Variants in RAD52 observed in about 807,000 individuals in gnomAD.
RAD52 encodes the protein RAD52 DNA repair protein, also known as DNA repair protein RAD52 homolog.
A neutral mutation model predicts 55.5 loss-of-function variants in RAD52; 47 were observed. The ratio of observed to expected loss-of-function variants is 0.85; its 90% CI spans 0.67 to 1.08. The LOEUF (loss-of-function observed/expected upper bound fraction) is 1.08, where lower values mean the gene tolerates loss of function less well. Among genes scored for constraint, RAD52 ranks in the 50% least tolerant of loss-of-function variants. RAD52 has a pLI of 0.00. For missense variants in RAD52, 468 were observed against 522.8 expected (o/e 0.90, Z 1.02); for synonymous variants, 184 against 198.9 (o/e 0.92, Z 0.63).
At chr12:979,392 A>G (rs7310634) in intron 1 of RAD52, among the ~76,000 whole-genome samples, 146,023 of 152,032 alleles carry the variant, frequency 0.96, 70,368 homozygotes, top group East Asian at 1. Flanking sequence ...AGTGAGCCAA[A>G]ATCATGCCAC....
chr12:944,620 A>C (rs7315312), intron 1 of RAD52, among the ~76,000 whole-genome samples: 18 of 150,556 alleles, frequency 1.2e-4, no homozygotes, highest in East Asian at 3.9e-4. Flanking sequence ...AAAAAAAAAA[A>C]AAAAAAAACT....
intron 7 of RAD52, among the ~76,000 whole-genome samples, chr12:920,497 C>T (rs1274639237): frequency 6.7e-6 from 1 of 149,456 alleles, no homozygotes; most frequent in Non-Finnish European, 1.5e-5. Context: ...GCAGAGCCTG[C>T]AGTGAGCTGA....
chr12:977,610 G>A (rs1277529408), intron 1 of RAD52, among the ~76,000 whole-genome samples: 1 of 152,188 alleles, frequency 6.6e-6, no homozygotes, highest in East Asian at 1.9e-4. Flanking sequence ...ACCCTATCCT[G>A]CCCTGCTCCT....
At chr12:965,842 A>G (rs545070611) in intron 1 of RAD52, among the ~76,000 whole-genome samples, 1 of 151,774 alleles carries the variant, frequency 6.6e-6, no homozygotes, top group East Asian at 1.9e-4. Context: ...ATGCACCACC[A>G]CACCTGGCTA....
intron 1 of RAD52, among the ~76,000 whole-genome samples, chr12:971,636 ATT>A (rs1157316411): frequency 6.6e-6 from 1 of 152,232 alleles, no homozygotes; most frequent in African/African-American, 2.4e-5. Context: ...AAGATAATAA[ATT>A]TTGCTAGTCT....
At chr12:978,851 G>A (rs1958970304) in intron 1 of RAD52, among the ~76,000 whole-genome samples, 1 of 151,606 alleles carries the variant, frequency 6.6e-6, no homozygotes, top group Admixed American at 6.6e-5. Context: ...CAGCCTGGGT[G>A]ACAGAGACTC....
Position 927,175 on chromosome 12 carries a change from G to A in RAD52, c.437C>T (p.Ala146Val), listed in dbSNP as rs775265125. ...GGCTCGCTTCAGCCCGTCTGTCACC[G>A]CCTCCTTCCTTGCCTTCTCCAAAGA... is the stretch of plus-strand genomic sequence containing the variant. ...ALSLEKARKE[A>V]VTDGLKRALR... Residue 146 changes from alanine to valine, a missense_variant, in exon 6 of 12, where the codon GCG becomes GTG. Transcript: ENST00000358495. The A allele has an allele frequency of 1.5e-5, 24 of 1,614,054 alleles. 1 individual carries two copies. In the Admixed American group the frequency reaches 1.7e-4, roughly 11 times the overall value.
chr12:933,794 C>T (rs1451518761), intron 1 of RAD52, among the ~76,000 whole-genome samples: 3 of 152,162 alleles, frequency 2.0e-5, no homozygotes, highest in Non-Finnish European at 2.9e-5. Context: ...AAATCCAAAA[C>T]GTTTTGAGTG....
In RAD52 at chr12:986,395, C is replaced by T. The variant is rs1301139477; in HGVS notation, c.-19+3414G>A. 6.9e-4 allele frequency among the ~76,000 whole-genome samples: 105 copies of T among 151,964 alleles called. 1 individual carries two copies. The highest frequency in any genetic ancestry group is 1.5e-4 in the Non-Finnish European group (10 of 67,996). On this transcript the variant is annotated intron_variant, in intron 1 of 11. Coordinates refer to the RAD52 transcript ENST00000430095. The stretch of plus-strand genomic sequence containing the variant: ...TGTTTTTATTTTTGAGACAGGGTCT[C>T]ACCCTGTTGCCCAGGCTGGAGAGTG...
Position 911,845 on chromosome 12 carries a change from C to A in RAD52, c.*1546G>T, listed in dbSNP as rs779936659. Among the ~76,000 whole-genome samples the A allele has an allele frequency of 2.6e-4, 39 of 151,288 alleles. No individual in the cohort carries two copies. Among genetic ancestry groups the A allele is most frequent in the Non-Finnish European group, 5.2e-4 (35 of 67,884 alleles). ...GACCAGCCTGGCCAACATGGAGAAA[C>A]CCCGTCTCCTCTACTAAAAATACAA... On this transcript the variant is annotated 3_prime_UTR_variant, in exon 12 of 12. Transcript: ENST00000358495.
At chr12:983,319 T>C (rs1565716614) in intron 1 of RAD52, among the ~76,000 whole-genome samples, 1 of 152,110 alleles carries the variant, frequency 6.6e-6, no homozygotes, top group Non-Finnish European at 1.5e-5. Flanking sequence ...TAATACAGTT[T>C]GGGTGGTTTA....
intron 1 of RAD52, among the ~76,000 whole-genome samples, chr12:965,242 G>A (rs1456066869): frequency 6.6e-6 from 1 of 152,024 alleles, no homozygotes; most frequent in Non-Finnish European, 1.5e-5. Context: ...CTCCCAAAGT[G>A]CTGGGATTAC....
chr12:913,384 G>A lies in RAD52; in HGVS notation c.*7C>T, dbSNP rs373050675. 1.3e-6 allele frequency: 2 copies of A among 1,593,390 alleles called. No homozygotes were observed. Among genetic ancestry groups the A allele is most frequent in the Non-Finnish European group, 1.7e-6 (2 of 1,162,742 alleles). ...GACAGAGTCCAATTATGTGGCCTGAGCCTCAGTTAAGATGGATCATATTTC... is the reference window on the plus strand; with the variant it reads ...GACAGAGTCCAATTATGTGGCCTGAACCTCAGTTAAGATGGATCATATTTC... On this transcript the variant is annotated 3_prime_UTR_variant, in exon 12 of 12. Coordinates refer to ENST00000358495, the MANE Select transcript of RAD52 (RefSeq NM_134424.4).
intron 6 of RAD52, 149 bp downstream of exon 6, chr12:926,996 A>G (rs1482026653): frequency 1.3e-6 from 2 of 1,568,408 alleles, no homozygotes; most frequent in Non-Finnish European, 1.7e-6. Context: ...AAAACGGCAG[A>G]CAGGAACCAG....
At chr12:990,952 A>AGTGC, upstream of RAD52, 1 of 149,548 alleles carries the variant, frequency 6.7e-6, no homozygotes, top group Non-Finnish European at 1.5e-5. Flanking sequence ...TGTGTGTGTG[A>AGTGC]GTGTGTGTGT....
rs1483711649 is a variant in RAD52, at chr12:920,334, A to G, written c.544-3514T>C. Among the ~76,000 whole-genome samples, 2 of 118,544 alleles carry G rather than the reference A, an allele frequency of 1.7e-5. 1 individual carries two copies. The highest frequency in any genetic ancestry group is 7.0e-5 in the African/African-American group (2 of 28,746). 77.8% of individuals were successfully genotyped at this position (118,544 alleles called of 152,430 possible). ...CATTTTGGGAGGCCGAGGTGGGCAG[A>G]TCACGAGGTCAGGATATCGAGACCA... On this transcript the variant is annotated intron_variant, in intron 7 of 11. Transcript: ENST00000358495.
At chr12:969,034 A>G (rs915437720) in intron 1 of RAD52, among the ~76,000 whole-genome samples, 1 of 152,090 alleles carries the variant, frequency 6.6e-6, no homozygotes, top group Non-Finnish European at 1.5e-5. Flanking sequence ...ACATGTATAG[A>G]CTGTTTTTTC....
Position 916,486 on chromosome 12 carries a change from G to T in RAD52, c.726-3C>A. On this transcript the variant is annotated splice_region_variant and splice_polypyrimidine_tract_variant and intron_variant, in intron 8 of 11. Transcript: ENST00000358495. ...CCACGGCGGATGAGCTCAGGCTTCT[G>T]CATGAGAGGGCGGCGGCGAGGACGG... The T allele has an allele frequency of 6.2e-7, 1 of 1,606,862 alleles. No homozygotes were observed. The highest frequency in any genetic ancestry group is 1.1e-5 in the South Asian group (1 of 90,840).
intron 1 of RAD52, among the ~76,000 whole-genome samples, chr12:969,414 T>G (rs1010688210): frequency 6.6e-6 from 1 of 152,056 alleles, no homozygotes; most frequent in Non-Finnish European, 1.5e-5. Context: ...GTCATATAAA[T>G]TATATGAAAT....
Sources: gnomAD v4.1 joint callset for allele counts (sites outside exome capture counted in the v4.1 genomes callset) on GRCh38, gnomAD v4.1.1 for gene constraint, MANE v1.5 for transcripts, NCBI Gene and HGNC (gene_info 2026-07-23, HGNC 2026-07-21) for gene names.